AMPD2: variants seen among roughly 807,000 people sequenced by gnomAD.
AMPD2 encodes adenosine monophosphate deaminase 2, also known as AMP deaminase 2.
In AMPD2, 52 loss-of-function variants were observed where a neutral mutation model predicts 91.3. The ratio of observed to expected loss-of-function variants is 0.57; its 90% CI spans 0.46 to 0.72. AMPD2 has a LOEUF of 0.72. AMPD2 is among the 30% of genes least tolerant of loss of function. AMPD2 has a pLI of 0.00. For missense variants in AMPD2, 822 were observed against 1,122.3 expected, an observed-to-expected ratio of 0.73 and a Z score of 3.82; for synonymous variants, 455 against 456.4, an observed-to-expected ratio of 1.00 and a Z score of 0.04.
At position 109,625,752 on chromosome 1, in the gene AMPD2, C is replaced by T; in HGVS notation, c.313C>T (p.Arg105Trp). 1 of 1,614,012 alleles carries T rather than the reference C, an allele frequency of 6.2e-7. No homozygotes were observed. The highest frequency in any genetic ancestry group is 8.5e-7 in the Non-Finnish European group (1 of 1,179,992). The change falls in exon 4 of 19, where the codon CGG becomes TGG. Residue 105 changes from arginine to tryptophan, a missense_variant. Transcript: ENST00000528667. The surrounding 1 kb of genome is among the most constrained non-coding windows in gnomAD (Gnocchi z 4.0). ...EESPIEQLEE[R>W]RQRLERQISQ... ...GAGCCCCATTGAACAGCTGGAGGAG[C>T]GGCGGCAGCGGCTGGAGCGGCAGAT... is the stretch of plus-strand genomic sequence containing the variant.
chr1:109,623,113 A>C (rs891506294), intron 2 of AMPD2, among the ~76,000 whole-genome samples: 1 of 152,138 alleles, frequency 6.6e-6, no homozygotes, highest in Non-Finnish European at 1.5e-5. Flanking sequence ...GCGGGGCTAC[A>C]GGTAGAATGT....
rs887517518 is a variant in AMPD2 at position 109,620,902 on chromosome 1, G to GC, written c.-262-6dup. On this transcript the variant is annotated splice_polypyrimidine_tract_variant and intron_variant, in intron 1 of 18. Coordinates refer to ENST00000528667, the MANE Select transcript of AMPD2 (RefSeq NM_001368809.2). ...CTTCTTTTCTACCCACCCCCTCCCC[G>GC]CCCCCCGCCAGGCCCAGCCACCATC... The GC allele has an allele frequency of 7.3e-5, 77 of 1,056,368 alleles. No homozygotes were observed. Among genetic ancestry groups the GC allele is most frequent in the Non-Finnish European group, 9.8e-5 (74 of 753,042 alleles). 65.4% of individuals were successfully genotyped at this position (1,056,368 alleles called of 1,614,324 possible).
rs767886867 is a variant in AMPD2, at chr1:109,627,302, G to A, written c.846G>A (p.Arg282=). The change falls in exon 8 of 19, where the codon AGG becomes AGA. Residue 282 remains arginine, a synonymous_variant. Transcript: ENST00000528667. ...VRGVVHVYTR[R]EPDEHCSEVE... ...GTGTGGTGCACGTCTACACCCGCAG[G>A]GAACCCGACGAGCAGTAAGAGGGGT... 1.2e-6 allele frequency: 2 copies of A among 1,604,150 alleles called. No homozygotes were observed. Among genetic ancestry groups the A allele is most frequent in the East Asian group, 4.5e-5 (2 of 44,660 alleles).
At position 109,630,762 on chromosome 1, in the gene AMPD2, A is replaced by C. The variant is rs764032802; in HGVS notation, c.2237A>C (p.Asn746Thr). 6.2e-7 allele frequency: 1 copy of C among 1,611,406 alleles called. No homozygotes were observed. The highest frequency in any genetic ancestry group is 2.2e-5 in the East Asian group (1 of 44,758). ...TGCGATATGTGTGAGCTGGCCCGCAACAGCGTGCTCATGAGCGGCTTCTCG... is the reference window on the plus strand; with the variant it reads ...TGCGATATGTGTGAGCTGGCCCGCACCAGCGTGCTCATGAGCGGCTTCTCG... ...SSCDMCELARNSVLMSGFSHK... is the reference protein window; with the variant it reads ...SSCDMCELARTSVLMSGFSHK... Residue 746 changes from asparagine to threonine, a missense_variant, in exon 18 of 19, where the codon AAC (asparagine) becomes ACC (threonine). By Grantham distance (65) the Asn-to-Thr change is moderately conservative (BLOSUM62 0). This residue lies in a region of AMPD2 where 430 missense variants were observed against 606.0 expected (regional missense o/e 0.71). Coordinates refer to ENST00000528667, the MANE Select transcript of AMPD2 (RefSeq NM_001368809.2).
chr1:109,620,656 G>T, intron 1 of AMPD2: 1 of 1,203,354 alleles, frequency 8.3e-7, no homozygotes, highest in Non-Finnish European at 1.0e-6. Context: ...AGGAAAGTGG[G>T]TGCTGGGTTT....
At chr1:109,629,748 C>T (rs758999989) in intron 15 of AMPD2, 48 bp from the exon 16 acceptor site, 1 of 1,548,564 alleles carries the variant, frequency 6.5e-7, no homozygotes. Flanking sequence ...TCCGGTGAGC[C>T]CAGGTGATCC....
intron 9 of AMPD2, 127 bp downstream of exon 9, chr1:109,627,645 G>T (rs538417472): frequency 2.6e-6 from 4 of 1,513,600 alleles, no homozygotes; most frequent in Non-Finnish European, 3.6e-6. Flanking sequence ...CGACTTCCCC[G>T]CAGTCTACTT....
chr1:109,622,788 C>T (rs533442893), intron 2 of AMPD2, among the ~76,000 whole-genome samples: 1 of 152,182 alleles, frequency 6.6e-6, no homozygotes, highest in East Asian at 1.9e-4. Context: ...GAGCCTTTGA[C>T]TCAACTCCTG....
intron 18 of AMPD2, 54 bp from the exon 19 acceptor site, chr1:109,630,889 G>T (rs1451476493): frequency 2.5e-6 from 4 of 1,605,846 alleles, no homozygotes; most frequent in Non-Finnish European, 3.4e-6. Flanking sequence ...TTGGGGTGGG[G>T]CATGACCCCT....
rs553822688 is a variant in AMPD2, at chr1:109,627,481, G to A, written c.913G>A (p.Val305Ile). Residue 305 changes from valine to isoleucine, a missense_variant, in exon 9 of 19, where the codon GTC becomes ATC. This residue lies in a region of AMPD2 where 240 missense variants were observed against 270.3 expected (regional missense o/e 0.89). Coordinates refer to ENST00000528667, the MANE Select transcript of AMPD2 (RefSeq NM_001368809.2). The stretch of plus-strand genomic sequence containing the variant: ...TGACCTGCAGGAATTTGTGGCTGAC[G>A]TCAATGTGCTGATGGCCCTGATTAT... Reference protein sequence around the residue: ...YPDLQEFVADVNVLMALIING... With the variant: ...YPDLQEFVADINVLMALIING... 171 of 1,614,030 alleles carry A rather than the reference G, an allele frequency of 1.1e-4. No individual in the cohort carries two copies. The South Asian group carries it at 1.7e-3, about 16-fold the overall frequency.
Position 109,621,037 on chromosome 1 carries a change from C to G in AMPD2, c.-139C>G. On this transcript the variant is annotated 5_prime_UTR_variant, in exon 2 of 19. Coordinates refer to ENST00000528667, the MANE Select transcript of AMPD2 (RefSeq NM_001368809.2). ...ACATGAGAAATCGTGGCCAGGGCCTCTTCCGCCTGCGGAGCCGCTGCTTCC... is the reference window on the plus strand; with the variant it reads ...ACATGAGAAATCGTGGCCAGGGCCTGTTCCGCCTGCGGAGCCGCTGCTTCC... The G allele has an allele frequency of 6.2e-7, 1 of 1,601,786 alleles. No individual in the cohort carries two copies. The highest frequency in any genetic ancestry group is 1.1e-5 in the South Asian group (1 of 89,706).
intron 1 of AMPD2, chr1:109,620,601 C>T: frequency 8.2e-7 from 1 of 1,226,010 alleles, no homozygotes; most frequent in Non-Finnish European, 1.0e-6. Flanking sequence ...TCTTCCCCCT[C>T]CTCCCAGAGC....
At chr1:109,627,056 G>A in intron 7 of AMPD2, 119 bp from the exon 8 acceptor site, 2 of 1,554,586 alleles carry the variant, frequency 1.3e-6, no homozygotes, top group Admixed American at 1.8e-5. Context: ...TGGAGGTTGG[G>A]CAGGAGCTGT....
intron 2 of AMPD2, among the ~76,000 whole-genome samples, chr1:109,621,602 G>A (rs1395670132): frequency 6.6e-6 from 1 of 152,236 alleles, no homozygotes; most frequent in Non-Finnish European, 1.5e-5. Context: ...GCGGGGGTGT[G>A]TGGGACTGAC....
In AMPD2 at chr1:109,625,430, C is replaced by T. The variant is rs140683735; in HGVS notation, c.219C>T (p.Ala73=). 4.0e-5 allele frequency: 65 copies of T among 1,613,922 alleles called. 1 individual carries two copies. The African/African-American group carries it at 6.8e-4, about 17-fold the overall frequency. The stretch of plus-strand genomic sequence containing the variant: ...TGGATGGCAAATGCAAGGAGATCGC[C>T]GAGGTATCACCTGGCACCACCCGCA... ...TSMDGKCKEI[A]EELFTRSLAE... The change falls in exon 3 of 19, where the codon GCC becomes GCT. Residue 73 remains alanine, a synonymous_variant. Transcript: ENST00000528667. This position sits in a 1 kb window ranked among gnomAD's most constrained non-coding sequence, Gnocchi z 4.0.
Position 109,625,490 on chromosome 1 carries a change from C to G in AMPD2, c.222+57C>G. The G allele has an allele frequency of 1.9e-6, 3 of 1,610,010 alleles. No homozygotes were observed. Among genetic ancestry groups the G allele is most frequent in the African/African-American group, 2.7e-5 (2 of 75,012 alleles). ...CGTGTCTCCATGCCCTGCCTCTGCTCCCCACACCCCTCACCTCAAGCTGTC... is the reference window on the plus strand; with the variant it reads ...CGTGTCTCCATGCCCTGCCTCTGCTGCCCACACCCCTCACCTCAAGCTGTC... On this transcript the variant is annotated intron_variant, in intron 3 of 18. Coordinates refer to ENST00000528667, the MANE Select transcript of AMPD2 (RefSeq NM_001368809.2). This position sits in a 1 kb window ranked among gnomAD's most constrained non-coding sequence, Gnocchi z 4.0.
rs1557931110 is a variant in AMPD2, at chr1:109,625,842, CTTTCAG to C, written c.353+51_353+56del. 1 of 1,606,450 alleles carries C rather than the reference CTTTCAG, an allele frequency of 6.2e-7. No homozygotes were observed. The highest frequency in any genetic ancestry group is 8.5e-7 in the Non-Finnish European group (1 of 1,174,950). On this transcript the variant is annotated intron_variant, in intron 4 of 18. Coordinates refer to ENST00000528667, the MANE Select transcript of AMPD2 (RefSeq NM_001368809.2). This position sits in a 1 kb window ranked among gnomAD's most constrained non-coding sequence, Gnocchi z 4.0. ...GTCTCCCTCCATACCCTTCCAGACC[CTTTCAG>C]AGCCCCTTTTCTGCCTCTTTCCCTC...
Position 109,625,650 on chromosome 1 carries a change from C to T in AMPD2, c.223-12C>T, listed in dbSNP as rs867195031. ...AGGGCCAGCCATGCTGACCTTCCTTCCCTCCCCCCAGGAGCTGTTCACCCG... is the reference window on the plus strand; with the variant it reads ...AGGGCCAGCCATGCTGACCTTCCTTTCCTCCCCCCAGGAGCTGTTCACCCG... On this transcript the variant is annotated splice_polypyrimidine_tract_variant and intron_variant, in intron 3 of 18. Transcript: ENST00000528667. This position sits in a 1 kb window ranked among gnomAD's most constrained non-coding sequence, Gnocchi z 4.0. 1 of 1,612,450 alleles carries T rather than the reference C, an allele frequency of 6.2e-7. No individual in the cohort carries two copies. Among genetic ancestry groups the T allele is most frequent in the Non-Finnish European group, 8.5e-7 (1 of 1,178,684 alleles).
chr1:109,621,344 C>A lies in AMPD2; in HGVS notation c.91+78C>A, dbSNP rs112387076. ...CTCTCGCCCAAGGTGCTGGTCCCCT[C>A]AGAGGGGGCCACCTCCTCCGGCATC... On this transcript the variant is annotated intron_variant, in intron 2 of 18. Transcript: ENST00000528667. 2,300 of 1,465,614 alleles carry A rather than the reference C, an allele frequency of 1.6e-3. 22 individuals carry two copies. The African/African-American group carries it at 0.028, about 18-fold the overall frequency. The allele number at this position is 1,465,614 out of a possible 1,614,324, so 90.8% of individuals were successfully genotyped here.
Sources: allele counts gnomAD v4.1 joint callset (sites outside exome capture counted in the v4.1 genomes callset), GRCh38; gene constraint gnomAD v4.1.1; regional missense constraint gnomAD v4.1.1; non-coding constraint Gnocchi (gnomAD v3.1); transcripts MANE v1.5; gene names NCBI Gene and HGNC (gene_info 2026-07-23, HGNC 2026-07-21).